Variants in PCDHA12 observed in about 807,000 individuals in gnomAD.
PCDHA12 encodes protocadherin alpha 12.
A neutral mutation model predicts 60.0 loss-of-function variants in PCDHA12; 44 were observed. The ratio of observed to expected loss-of-function variants is 0.73; its 90% CI spans 0.58 to 0.94. The LOEUF is 0.94. Ranked by LOEUF, PCDHA12 falls within the 40% of genes least tolerant of loss-of-function variation. The pLI is 0.00. For missense variants in PCDHA12, 1,276 were observed against 1,239.7 expected (o/e 1.03, Z -0.44); for synonymous variants, 569 against 553.0 (o/e 1.03, Z -0.40).
Position 140,883,713 on chromosome 5 carries a change from C to G in PCDHA12, c.2367+5874C>G, listed in dbSNP as rs782438050. ...ATCTTCACGGTGTCTGCTCAGGACG[C>G]GGACGCACAGGAGAACGCGCTGGTC... On this transcript the variant is annotated intron_variant, in intron 1 of 3. Coordinates refer to ENST00000398631, the MANE Select transcript of PCDHA12 (RefSeq NM_018903.4). 2.5e-6 allele frequency: 4 copies of G among 1,613,520 alleles called. No homozygotes were observed. The East Asian group carries it at 8.9e-5, about 36-fold the overall frequency.
intron 1 of PCDHA12, chr5:140,929,422 T>C: frequency 1.3e-6 from 2 of 1,500,730 alleles, no homozygotes; most frequent in Non-Finnish European, 1.8e-6. Context: ...CAACATTTCA[T>C]CAATTGAACT....
chr5:141,009,491 C>G, intron 3 of PCDHA12, 136 bp from the exon 4 acceptor site: 1 of 1,475,722 alleles, frequency 6.8e-7, no homozygotes, highest in Non-Finnish European at 9.0e-7. Flanking sequence ...GCCTTGCCCT[C>G]AGACTTGAAC....
Position 140,877,067 on chromosome 5 carries a change from A to C in PCDHA12, c.1595A>C (p.Gln532Pro). The change falls in exon 1 of 4, where the codon CAG (glutamine) becomes CCG (proline). Residue 532 changes from glutamine (Q) to proline (P), a missense_variant. By Grantham distance (76) the Gln-to-Pro change is moderately conservative (BLOSUM62 -1). Coordinates refer to ENST00000398631, the MANE Select transcript of PCDHA12 (RefSeq NM_018903.4). The stretch of plus-strand genomic sequence containing the variant: ...GACCACGAGGAGCTGGAGCTGCTGC[A>C]GTTCCAGGTGAGCGCGCGCGACGCC... The part of the protein sequence containing the change: ...PLDHEELELL[Q>P]FQVSARDAGV... 4 of 1,613,082 alleles carry C rather than the reference A, an allele frequency of 2.5e-6. No homozygotes were observed. Among genetic ancestry groups the C allele is most frequent in the Non-Finnish European group, 3.4e-6 (4 of 1,179,862 alleles).
intron 1 of PCDHA12, among the ~76,000 whole-genome samples, chr5:140,943,121 G>A (rs1225385839): frequency 3.3e-5 from 5 of 151,916 alleles, no homozygotes; most frequent in African/African-American, 4.8e-5. Flanking sequence ...AGCCAGGTGT[G>A]GTAGTGGGTG....
chr5:140,890,319 A>C (rs2062592452), intron 1 of PCDHA12, among the ~76,000 whole-genome samples: 1 of 152,206 alleles, frequency 6.6e-6, no homozygotes, highest in Admixed American at 6.5e-5. Context: ...AGTTGTTTTA[A>C]GATATTAGGT....
At chr5:140,892,260 T>C (rs2063449120) in intron 1 of PCDHA12, among the ~76,000 whole-genome samples, 1 of 152,218 alleles carries the variant, frequency 6.6e-6, no homozygotes, top group East Asian at 1.9e-4. Flanking sequence ...TCTTTGATTT[T>C]GTGCTGAAAG....
intron 1 of PCDHA12, chr5:140,928,757 G>A (rs372744198): frequency 6.2e-7 from 1 of 1,613,974 alleles, no homozygotes; most frequent in African/African-American, 1.3e-5. Flanking sequence ...CGTACTGCTC[G>A]CTTAGTTCTT....
intron 1 of PCDHA12, among the ~76,000 whole-genome samples, chr5:140,938,897 G>A (rs72800999): frequency 0.012 from 1,856 of 151,306 alleles, 24 homozygotes; most frequent in Non-Finnish European, 0.018. Flanking sequence ...ACACAGATGC[G>A]CACACACACA....
rs185914290 is a variant in PCDHA12, at chr5:140,920,039, G to C, written c.2367+42200G>C. ...AGATGGAGACAGAGATTGGAGTGAT[G>C]TCAACAGCCACCAACACCTGGAAAA... On this transcript the variant is annotated intron_variant, in intron 1 of 3. Transcript: ENST00000398631. Among the ~76,000 whole-genome samples, 5 of 152,280 alleles carry C rather than the reference G, an allele frequency of 3.3e-5. No homozygotes were observed. In the South Asian group the frequency reaches 1.0e-3, roughly 32 times the overall value.
chr5:140,934,172 G>A (rs781789188), intron 1 of PCDHA12, among the ~76,000 whole-genome samples: 47 of 152,018 alleles, frequency 3.1e-4, no homozygotes, highest in Non-Finnish European at 6.6e-4. Flanking sequence ...TGCAACAGAA[G>A]TACTCTAAAC....
intron 1 of PCDHA12, among the ~76,000 whole-genome samples, chr5:140,921,386 A>C (rs2080192825): frequency 6.6e-6 from 1 of 152,156 alleles, no homozygotes; most frequent in African/African-American, 2.4e-5. Flanking sequence ...ATATTTGATA[A>C]ACATTCACAC....
intron 1 of PCDHA12, among the ~76,000 whole-genome samples, chr5:140,889,644 C>A (rs2062317759): frequency 6.6e-6 from 1 of 151,938 alleles, no homozygotes; most frequent in African/African-American, 2.4e-5. Flanking sequence ...TTTGTGTTTG[C>A]AGGAGATGTC....
chr5:140,881,587 GAAAT>G (rs2058760366), intron 1 of PCDHA12, among the ~76,000 whole-genome samples: 1 of 152,186 alleles, frequency 6.6e-6, no homozygotes, highest in Non-Finnish European at 1.5e-5. Context: ...CACATTGAGG[GAAAT>G]TTATTAATAT....
At chr5:140,884,247 C>G (rs1554181368) in intron 1 of PCDHA12, 5 of 1,613,398 alleles carry the variant, frequency 3.1e-6, no homozygotes, top group Non-Finnish European at 4.2e-6. Flanking sequence ...CCCGCGCTGA[C>G]GGCCACGGCA....
rs377328620 is a variant in PCDHA12 at position 140,928,577 on chromosome 5, A to G, written c.2368-50372A>G. On this transcript the variant is annotated intron_variant, in intron 1 of 3. Coordinates refer to ENST00000398631, the MANE Select transcript of PCDHA12 (RefSeq NM_018903.4). ...GTTATCTTGTTTCCCTTGCCCAGAA[A>G]TGGTTCTGTCCCAGTGGAAATTGTG... is the stretch of plus-strand genomic sequence containing the variant. The G allele has an allele frequency of 3.7e-6, 6 of 1,614,070 alleles. No homozygotes were observed. The African/African-American group carries it at 6.7e-5, about 18-fold the overall frequency.
chr5:140,885,283 T>C (rs1326439795), intron 1 of PCDHA12, among the ~76,000 whole-genome samples: 2 of 152,298 alleles, frequency 1.3e-5, no homozygotes, highest in Admixed American at 6.5e-5. Context: ...TATATACATA[T>C]ATAGAGAGAG....
rs180683275 is a variant in PCDHA12 at position 140,985,540 on chromosome 5, T to C, written c.2515+2977T>C. 7.6e-3 allele frequency among the ~76,000 whole-genome samples: 1,162 copies of C among 152,268 alleles called. 7 individuals are homozygous for C. The highest frequency in any genetic ancestry group is 0.012 in the Non-Finnish European group (785 of 68,010). On this transcript the variant is annotated intron_variant, in intron 3 of 3. Coordinates refer to ENST00000398631, the MANE Select transcript of PCDHA12 (RefSeq NM_018903.4). ...TGCCCTTAAAGCTTCACGGTGAAGATGCAGTTGCTTCCAAAAGGCTTCTTT... is the reference window on the plus strand; with the variant it reads ...TGCCCTTAAAGCTTCACGGTGAAGACGCAGTTGCTTCCAAAAGGCTTCTTT...
chr5:140,975,127 T>C (rs1331047394), intron 1 of PCDHA12, among the ~76,000 whole-genome samples: 2 of 152,288 alleles, frequency 1.3e-5, no homozygotes, highest in East Asian at 1.9e-4. Flanking sequence ...CTACTTACTA[T>C]TGGCCTGGGG....
Position 140,922,401 on chromosome 5 carries a change from A to T in PCDHA12, c.2367+44562A>T, listed in dbSNP as rs1290862669. On this transcript the variant is annotated intron_variant, in intron 1 of 3. Transcript: ENST00000398631. ...AACCAAAGACTCCTTGTTTTGGATT[A>T]AAAAGATCTAGGTACAGAGGCTGAG... 2.6e-5 allele frequency among the ~76,000 whole-genome samples: 4 copies of T among 152,234 alleles called. No individual in the cohort carries two copies. In the East Asian group the frequency reaches 7.7e-4, roughly 29 times the overall value.
Sources: allele counts gnomAD v4.1 joint callset (sites outside exome capture counted in the v4.1 genomes callset), GRCh38; gene constraint gnomAD v4.1.1; transcripts MANE v1.5; gene names NCBI Gene and HGNC (gene_info 2026-07-23, HGNC 2026-07-21).